Variants in PPFIA2 observed in about 807,000 individuals in gnomAD.
The protein encoded by PPFIA2 is liprin-alpha-2.
Under a neutral mutation model 175.5 loss-of-function variants are expected in PPFIA2, and 46 were observed. That is an observed-to-expected ratio of 0.26 (90% CI 0.21 to 0.34). PPFIA2 has a LOEUF of 0.34. Among genes scored for constraint, PPFIA2 ranks in the 10% least tolerant of loss-of-function variants. The probability of loss-of-function intolerance (pLI) is 1.00; values close to 1 mark genes in which losing one functional copy is unlikely to be tolerated. For synonymous variants in PPFIA2, 568 were observed against 511.4 expected (o/e 1.11, Z -1.49); for missense variants, 1,179 against 1,506.1 (o/e 0.78, Z 3.60).
intron 4 of PPFIA2, among the ~76,000 whole-genome samples, chr12:81,626,203 T>C (rs143220518): frequency 9.9e-5 from 15 of 151,782 alleles, no homozygotes; most frequent in African/African-American, 3.1e-4. Context: ...AGAGGATTCA[T>C]ACTAGGTTAA....
chr12:81,598,786 T>C (rs904737466), intron 4 of PPFIA2, among the ~76,000 whole-genome samples: 2 of 151,968 alleles, frequency 1.3e-5, no homozygotes, highest in African/African-American at 4.8e-5. Flanking sequence ...ATGTACCAAA[T>C]ATTTTCCACT....
At chr12:81,469,793 T>C (rs1012852892) in intron 4 of PPFIA2, among the ~76,000 whole-genome samples, 2 of 152,160 alleles carry the variant, frequency 1.3e-5, no homozygotes, top group Non-Finnish European at 1.5e-5. Context: ...CATGGTGGTA[T>C]GTGGAGATGG....
intron 4 of PPFIA2, chr12:81,598,283 T>C: frequency 8.1e-7 from 1 of 1,233,858 alleles, no homozygotes; most frequent in Non-Finnish European, 1.0e-6. Context: ...TTTAAAAAAT[T>C]AAAAACACAG....
At chr12:81,340,502 G>A (rs2057860624) in intron 20 of PPFIA2, among the ~76,000 whole-genome samples, 1 of 151,990 alleles carries the variant, frequency 6.6e-6, no homozygotes, top group South Asian at 2.1e-4. Flanking sequence ...TTATGCATAT[G>A]GATAAGACAG....
chr12:81,642,920 AATG>A (rs1485110131), intron 4 of PPFIA2, among the ~76,000 whole-genome samples: 1 of 144,992 alleles, frequency 6.9e-6, no homozygotes, highest in African/African-American at 2.5e-5. Context: ...AAATGTAAAA[AATG>A]TGTATATATA....
chr12:81,541,203 CAGTT>C (rs1228361537), intron 4 of PPFIA2, among the ~76,000 whole-genome samples: 1 of 151,980 alleles, frequency 6.6e-6, no homozygotes, highest in Admixed American at 6.6e-5. Flanking sequence ...TACACAGAAT[CAGTT>C]AGGCTGTTTC....
At chr12:81,332,880 C>T (rs2056408386) in intron 21 of PPFIA2, among the ~76,000 whole-genome samples, 1 of 152,168 alleles carries the variant, frequency 6.6e-6, no homozygotes, top group Non-Finnish European at 1.5e-5. Flanking sequence ...ACATGATCCT[C>T]ACATATCTTC....
chr12:81,362,627 T>C, intron 15 of PPFIA2, 66 bp downstream of exon 15: 1 of 1,116,420 alleles, frequency 9.0e-7, no homozygotes, highest in Non-Finnish European at 1.3e-6. Context: ...TGAGGACATA[T>C]GAAACCATAA....
chr12:81,530,214 A>C (rs2064321485), intron 4 of PPFIA2, among the ~76,000 whole-genome samples: 1 of 151,976 alleles, frequency 6.6e-6, no homozygotes, highest in Admixed American at 6.6e-5. Flanking sequence ...GACCTCCCAA[A>C]GCTCAAAATA....
intron 4 of PPFIA2, among the ~76,000 whole-genome samples, chr12:81,550,474 A>G (rs1400837408): frequency 2.0e-5 from 3 of 152,014 alleles, no homozygotes; most frequent in Non-Finnish European, 2.9e-5. Context: ...GACAGAAGGT[A>G]GGGGATTTAA....
At chr12:81,665,032 T>C (rs2069851295) in intron 4 of PPFIA2, among the ~76,000 whole-genome samples, 2 of 150,724 alleles carry the variant, frequency 1.3e-5, no homozygotes, top group Admixed American at 6.6e-5. Flanking sequence ...CACCGGGGCC[T>C]GTTGTCGGGT....
intron 21 of PPFIA2, among the ~76,000 whole-genome samples, chr12:81,328,528 A>C (rs2055337509): frequency 6.6e-6 from 1 of 152,182 alleles, no homozygotes; most frequent in Non-Finnish European, 1.5e-5. Context: ...AATCCCACCT[A>C]TCTCTTTTAA....
chr12:81,405,012 C>T (rs780642114), intron 8 of PPFIA2, among the ~76,000 whole-genome samples: 27 of 152,178 alleles, frequency 1.8e-4, no homozygotes, highest in East Asian at 3.9e-4. Context: ...GTTTCCAACA[C>T]AGGATGTGTG....
intron 3 of PPFIA2, among the ~76,000 whole-genome samples, chr12:81,713,903 A>G (rs773725412): frequency 2.8e-4 from 42 of 151,406 alleles, no homozygotes; most frequent in Non-Finnish European, 5.6e-4. Flanking sequence ...TCTGTTAGTA[A>G]TAAATGCTGT....
At chr12:81,515,369 GT>G (rs1448942560) in intron 4 of PPFIA2, among the ~76,000 whole-genome samples, 1 of 151,890 alleles carries the variant, frequency 6.6e-6, no homozygotes, top group African/African-American at 2.4e-5. Context: ...ACACACTCTG[GT>G]AAATGCAAAT....
chr12:81,620,206 A>G (rs1201286560), intron 4 of PPFIA2, among the ~76,000 whole-genome samples: 1 of 151,174 alleles, frequency 6.6e-6, no homozygotes, highest in East Asian at 1.9e-4. Flanking sequence ...TCTAGTAGAG[A>G]TAAGTTGACT....
intron 4 of PPFIA2, among the ~76,000 whole-genome samples, chr12:81,664,917 C>T (rs2069814678): frequency 6.6e-6 from 1 of 151,938 alleles, no homozygotes; most frequent in South Asian, 2.1e-4. Flanking sequence ...AACCATCATT[C>T]TCAGCAAACT....
chr12:81,668,186 A>G (rs1011815252), intron 4 of PPFIA2, among the ~76,000 whole-genome samples: 13 of 152,034 alleles, frequency 8.6e-5, no homozygotes, highest in Non-Finnish European at 1.8e-4. Flanking sequence ...CTGACATCCT[A>G]TTAATTCTTA....
intron 3 of PPFIA2, among the ~76,000 whole-genome samples, chr12:81,734,591 A>C (rs575427906): frequency 6.6e-6 from 1 of 151,850 alleles, no homozygotes; most frequent in Admixed American, 6.6e-5. Context: ...CATTGTCAAC[A>C]AGCACTTTGA....
Sources: gnomAD v4.1 joint callset for allele counts (sites outside exome capture counted in the v4.1 genomes callset) on GRCh38, gnomAD v4.1.1 for gene constraint, MANE v1.5 for transcripts, NCBI Gene and HGNC (gene_info 2026-07-23, HGNC 2026-07-21) for gene names.